NBEA: variants seen among roughly 807,000 people sequenced by gnomAD.
NBEA encodes the protein neurobeachin.
In NBEA, 44 loss-of-function variants were observed where a neutral mutation model predicts 343.4. The observed-to-expected ratio is 0.13, with a 90% CI of 0.10 to 0.16. The LOEUF is 0.16. NBEA is among the 10% of genes least tolerant of loss of function. NBEA has a pLI of 1.00. For missense variants in NBEA, 2,555 were observed against 3,631.3 expected (o/e 0.70, Z 7.62); for synonymous variants, 1,175 against 1,238.7 (o/e 0.95, Z 1.08).
At chr13:35,605,184 C>A (rs1294774428) in intron 47 of NBEA, among the ~76,000 whole-genome samples, 2 of 152,100 alleles carry the variant, frequency 1.3e-5, no homozygotes, top group Non-Finnish European at 2.9e-5. Flanking sequence ...CCAGAAAAAT[C>A]ATTTATATGG....
chr13:35,371,310 T>G (rs1050231040), intron 38 of NBEA, among the ~76,000 whole-genome samples: 3 of 152,010 alleles, frequency 2.0e-5, no homozygotes, highest in Non-Finnish European at 4.4e-5. Context: ...ATTATATTCT[T>G]TTTTCTTTAT....
chr13:35,166,392 A>G (rs1032278845), intron 24 of NBEA, among the ~76,000 whole-genome samples: 1 of 152,180 alleles, frequency 6.6e-6, no homozygotes, highest in African/African-American at 2.4e-5. Context: ...CAGTAAAGAT[A>G]CTGACGCTTT....
chr13:35,103,157 A>T (rs910934482), intron 11 of NBEA, among the ~76,000 whole-genome samples: 1 of 151,700 alleles, frequency 6.6e-6, no homozygotes, highest in Admixed American at 6.6e-5. Context: ...AATTTAGTCA[A>T]TTACATGGAT....
intron 1 of NBEA, among the ~76,000 whole-genome samples, chr13:35,024,013 T>A (rs1318851784): frequency 6.6e-6 from 1 of 152,170 alleles, no homozygotes; most frequent in East Asian, 1.9e-4. Context: ...GTGTCTGTTG[T>A]TCCCCTTTTA....
chr13:34,972,521 C>T (rs917479992), intron 1 of NBEA, among the ~76,000 whole-genome samples: 1 of 152,108 alleles, frequency 6.6e-6, no homozygotes, highest in South Asian at 2.1e-4. Context: ...ATTCTGGTAC[C>T]TTGTATCTTT....
chr13:35,387,614 T>G (rs2042303588), intron 38 of NBEA, among the ~76,000 whole-genome samples: 1 of 152,120 alleles, frequency 6.6e-6, no homozygotes, highest in Admixed American at 6.6e-5. Flanking sequence ...AATTTGGATT[T>G]AATGGGGTAG....
chr13:34,986,443 C>T (rs1187474434), intron 1 of NBEA, among the ~76,000 whole-genome samples: 1 of 150,796 alleles, frequency 6.6e-6, no homozygotes, highest in African/African-American at 2.4e-5. Context: ...CTGAGGAGTG[C>T]TTTACTTCCA....
chr13:35,012,867 G>GA, intron 1 of NBEA, among the ~76,000 whole-genome samples: 1 of 151,938 alleles, frequency 6.6e-6, no homozygotes, highest in East Asian at 1.9e-4. Flanking sequence ...CTACATTATT[G>GA]AAAAAAGAAA....
In NBEA at chr13:35,302,267, T is replaced by TA. The variant is rs201440204; in HGVS notation, c.5839-7260dup. On this transcript the variant is annotated intron_variant, in intron 35 of 58. Coordinates refer to ENST00000379939, the MANE Select transcript of NBEA (RefSeq NM_001385012.1). ...ATGTATTATATATCCTGGGCATAGT[T>TA]ACTGCCTGTGTCTTATGTATCTCAT... Among the ~76,000 whole-genome samples, 41 of 152,338 alleles carry TA rather than the reference T, an allele frequency of 2.7e-4. No homozygotes were observed. The East Asian group carries it at 7.7e-3, about 29-fold the overall frequency.
At chr13:35,464,128 A>G (rs543071856) in intron 40 of NBEA, among the ~76,000 whole-genome samples, 1 of 152,180 alleles carries the variant, frequency 6.6e-6, no homozygotes, top group Non-Finnish European at 1.5e-5. Context: ...CTAGAAAAAA[A>G]AATCCGTATA....
At chr13:34,951,932 C>A (rs778116308) in intron 1 of NBEA, among the ~76,000 whole-genome samples, 1 of 152,184 alleles carries the variant, frequency 6.6e-6, no homozygotes, top group Non-Finnish European at 1.5e-5. Flanking sequence ...CTAACATTAG[C>A]CTATAGTTTA....
chr13:35,205,719 T>A (rs1356966226), intron 31 of NBEA, among the ~76,000 whole-genome samples: 1 of 152,102 alleles, frequency 6.6e-6, no homozygotes, highest in Non-Finnish European at 1.5e-5. Context: ...ATCAGCACTT[T>A]TGGGAGCCAT....
chr13:35,660,795 T>C (rs2085054571), intron 55 of NBEA, among the ~76,000 whole-genome samples: 1 of 152,222 alleles, frequency 6.6e-6, no homozygotes, highest in Non-Finnish European at 1.5e-5. Context: ...AGAGTATATT[T>C]AGATTTAGAT....
intron 34 of NBEA, among the ~76,000 whole-genome samples, chr13:35,283,402 A>C (rs1197499526): frequency 1.3e-5 from 2 of 152,168 alleles, no homozygotes; most frequent in Admixed American, 1.3e-4. Context: ...GCACTTAGTC[A>C]ACCATTCTCA....
Position 35,407,702 on chromosome 13 carries a change from G to A in NBEA, c.6180-24567G>A, listed in dbSNP as rs184744826. 1.4e-3 allele frequency among the ~76,000 whole-genome samples: 220 copies of A among 152,072 alleles called. 1 individual carries two copies. The highest frequency in any genetic ancestry group is 5.0e-3 in the African/African-American group (209 of 41,512). Reference sequence around the variant, plus strand: ...GCATAACATTAAAATCACGAGCATTGCTATACATCATCAACAGTCAAGCCA... The same window carrying A: ...GCATAACATTAAAATCACGAGCATTACTATACATCATCAACAGTCAAGCCA... On this transcript the variant is annotated intron_variant, in intron 38 of 58. Transcript: ENST00000379939.
intron 1 of NBEA, among the ~76,000 whole-genome samples, chr13:35,028,927 T>C (rs555546357): frequency 6.6e-6 from 1 of 151,896 alleles, no homozygotes; most frequent in African/African-American, 2.4e-5. Context: ...GATTAATCCA[T>C]GCTGTAGCAT....
chr13:35,164,700 A>G (rs566634914), intron 24 of NBEA, among the ~76,000 whole-genome samples, 191 bp downstream of exon 24: 52 of 152,176 alleles, frequency 3.4e-4, no homozygotes, highest in African/African-American at 1.2e-3. Flanking sequence ...GCTTATGAAA[A>G]TGTTTCTCTG....
chr13:35,499,107 A>T (rs1038768359), intron 41 of NBEA, among the ~76,000 whole-genome samples: 4 of 152,122 alleles, frequency 2.6e-5, no homozygotes, highest in Admixed American at 2.6e-4. Context: ...ATGAGAGAAA[A>T]TTGATGTGAT....
At chr13:35,145,891 G>C (rs1037954328) in intron 18 of NBEA, among the ~76,000 whole-genome samples, 7 of 152,162 alleles carry the variant, frequency 4.6e-5, no homozygotes, top group African/African-American at 1.7e-4. Flanking sequence ...ATTACAAAGA[G>C]ACTGACATGG....
Sources: allele counts gnomAD v4.1 joint callset (sites outside exome capture counted in the v4.1 genomes callset), GRCh38; gene constraint gnomAD v4.1.1; transcripts MANE v1.5; gene names NCBI Gene and HGNC (gene_info 2026-07-23, HGNC 2026-07-21).